RNF17: variants seen among roughly 807,000 people sequenced by gnomAD.
RNF17 encodes the protein ring finger protein 17.
Under a neutral mutation model 200.5 loss-of-function variants are expected in RNF17, and 31 were observed. The observed-to-expected ratio is 0.15, with a 90% confidence interval of 0.12 to 0.21. The LOEUF (loss-of-function observed/expected upper bound fraction) is 0.21, where lower values mean the gene tolerates loss of function less well. Ranked by LOEUF, RNF17 falls within the 10% of genes least tolerant of loss-of-function variation. The pLI, the probability that RNF17 is intolerant of heterozygous loss-of-function variation, is 1.00. For missense variants in RNF17, 1,628 were observed against 1,905.1 expected (o/e 0.85, Z 2.71); for synonymous variants, 606 against 637.8 (o/e 0.95, Z 0.75).
intron 18 of RNF17, among the ~76,000 whole-genome samples, chr13:24,840,452 T>C (rs1890498617): frequency 6.6e-6 from 1 of 152,108 alleles, no homozygotes; most frequent in Non-Finnish European, 1.5e-5. Context: ...CAATTCACAA[T>C]TGCAAAATCG....
chr13:24,869,445 T>A (rs539492855), intron 31 of RNF17, among the ~76,000 whole-genome samples: 1 of 152,346 alleles, frequency 6.6e-6, no homozygotes, highest in South Asian at 2.1e-4. Flanking sequence ...AATTTACCCC[T>A]AAACTTAGCA....
upstream of RNF17, among the ~76,000 whole-genome samples, chr13:24,760,174 A>G (rs1863613726): frequency 6.6e-6 from 1 of 152,162 alleles, no homozygotes; most frequent in African/African-American, 2.4e-5. Context: ...TTTTACACAG[A>G]GATGCATACA....
intron 16 of RNF17, among the ~76,000 whole-genome samples, chr13:24,829,535 ACTTAT>A (rs1889152825): frequency 6.6e-6 from 1 of 152,114 alleles, no homozygotes. Context: ...TTATAATAAC[ACTTAT>A]CTTCTCAATT....
At chr13:24,883,210 C>CT (rs768267843), downstream of RNF17, 1 of 1,614,054 alleles carries the variant, frequency 6.2e-7, no homozygotes, top group Non-Finnish European at 8.5e-7. Context: ...CATTACCCTC[C>CT]TTGTCCTTAA....
chr13:24,875,419 GA>G (rs1000286934), intron 33 of RNF17, among the ~76,000 whole-genome samples: 8 of 151,374 alleles, frequency 5.3e-5, no homozygotes, highest in East Asian at 1.9e-4. Flanking sequence ...AATTTGTGAG[GA>G]AAAAAAAATT....
intron 11 of RNF17, among the ~76,000 whole-genome samples, chr13:24,798,010 T>C (rs1322988381): frequency 6.6e-6 from 1 of 152,124 alleles, no homozygotes; most frequent in Non-Finnish European, 1.5e-5. Flanking sequence ...TCCTTACAAT[T>C]CTCACTTTGC....
At chr13:24,804,672 G>A (rs1007225559) in intron 15 of RNF17, among the ~76,000 whole-genome samples, 12 of 152,130 alleles carry the variant, frequency 7.9e-5, no homozygotes, top group African/African-American at 2.9e-4. Context: ...GAAATCTGGA[G>A]ACTAGGAAAG....
rs576798888 is a variant in RNF17 at position 24,869,300 on chromosome 13, A to G, written c.4278+584A>G. 1.1e-4 allele frequency among the ~76,000 whole-genome samples: 16 copies of G among 152,342 alleles called. 1 individual carries two copies. In the South Asian group the frequency reaches 1.7e-3, roughly 16 times the overall value. On this transcript the variant is annotated intron_variant, in intron 31 of 35. Coordinates refer to ENST00000255324, the MANE Select transcript of RNF17 (RefSeq NM_031277.3). ...CCTTCAGCCTTTTACACAGTAAGCC[A>G]TTCTCTCACAGGCAGGGGAAGGATT...
chr13:24,805,409 G>A (rs943839661), intron 15 of RNF17, among the ~76,000 whole-genome samples: 3 of 152,056 alleles, frequency 2.0e-5, no homozygotes, highest in Non-Finnish European at 2.9e-5. Context: ...CTGTCTCTAT[G>A]AAATTGCCTA....
At chr13:24,766,942 A>C (rs1264582407) in intron 1 of RNF17, among the ~76,000 whole-genome samples, 1 of 152,210 alleles carries the variant, frequency 6.6e-6, no homozygotes, top group African/African-American at 2.4e-5. Context: ...ATATTCAATA[A>C]GTCAACCATT....
chr13:24,852,434 G>A (rs1026767918), intron 24 of RNF17, among the ~76,000 whole-genome samples: 3 of 152,168 alleles, frequency 2.0e-5, no homozygotes, highest in East Asian at 3.9e-4. Context: ...CACCACGCTC[G>A]GCCTCTTTTC....
chr13:24,883,394 T>TTTC, downstream of RNF17: 1 of 1,522,422 alleles, frequency 6.6e-7, no homozygotes, highest in Non-Finnish European at 8.9e-7. Flanking sequence ...AAAAATATGA[T>TTTC]TTCTTAAAAA....
At position 24,789,602 on chromosome 13, in the gene RNF17, C is replaced by A. The variant is rs1883583534; in HGVS notation, c.861-96C>A. On this transcript the variant is annotated intron_variant, in intron 8 of 35. Coordinates refer to ENST00000255324, the MANE Select transcript of RNF17 (RefSeq NM_031277.3). ...ACTTAGAAAGTTATTTAAATGTTTC[C>A]TTTTCAATTCATTAATGTCAGCAAT... The A allele has an allele frequency of 9.7e-6, 9 of 924,738 alleles. No individual in the cohort carries two copies. In the South Asian group the frequency reaches 1.3e-4, roughly 13 times the overall value. The allele number at this position is 924,738 out of a possible 1,614,324, so 57.3% of individuals were successfully genotyped here.
At chr13:24,797,023 A>T (rs1884658253) in intron 11 of RNF17, among the ~76,000 whole-genome samples, 1 of 152,224 alleles carries the variant, frequency 6.6e-6, no homozygotes, top group Non-Finnish European at 1.5e-5. Context: ...TCAGAAGAGT[A>T]GGATCATCAT....
At chr13:24,845,852 C>T (rs1038613416) in intron 22 of RNF17, among the ~76,000 whole-genome samples, 1 of 152,124 alleles carries the variant, frequency 6.6e-6, no homozygotes, top group Non-Finnish European at 1.5e-5. Flanking sequence ...CATAACCCCA[C>T]ACTGAGAAGA....
intron 16 of RNF17, among the ~76,000 whole-genome samples, chr13:24,828,684 C>A (rs536933399): frequency 6.6e-6 from 1 of 151,566 alleles, no homozygotes; most frequent in Non-Finnish European, 1.5e-5. Context: ...TTTTAAAATT[C>A]TATTGTGAGT....
chr13:24,814,938 C>T (rs1374499720), intron 15 of RNF17, among the ~76,000 whole-genome samples: 4 of 152,138 alleles, frequency 2.6e-5, no homozygotes, highest in Admixed American at 6.5e-5. Context: ...TATTGAAACT[C>T]AACTGATTTT....
chr13:24,813,453 A>G (rs1009876766), intron 15 of RNF17, among the ~76,000 whole-genome samples: 7 of 152,086 alleles, frequency 4.6e-5, no homozygotes, highest in Non-Finnish European at 8.8e-5. Flanking sequence ...ACCATGCCCA[A>G]ACCTTTGTCC....
chr13:24,765,561 G>T (rs1490307038), intron 1 of RNF17, among the ~76,000 whole-genome samples: 1 of 152,096 alleles, frequency 6.6e-6, no homozygotes, highest in Non-Finnish European at 1.5e-5. Flanking sequence ...TCCTACTTGG[G>T]GTTTAGATCA....
Sources: gnomAD v4.1 joint callset for allele counts (sites outside exome capture counted in the v4.1 genomes callset) on GRCh38, gnomAD v4.1.1 for gene constraint, MANE v1.5 for transcripts, NCBI Gene and HGNC (gene_info 2026-07-23, HGNC 2026-07-21) for gene names.